Variants in CSMD3 observed in about 807,000 individuals in gnomAD.
CSMD3 encodes the protein CUB and sushi domain-containing protein 3.
A neutral mutation model predicts 435.2 loss-of-function variants in CSMD3; 177 were observed. That is an observed-to-expected ratio of 0.41 (90% CI 0.36 to 0.46). CSMD3 has a LOEUF of 0.46. Among genes scored for constraint, CSMD3 ranks in the 20% least tolerant of loss-of-function variants. The pLI, the probability that CSMD3 is intolerant of heterozygous loss-of-function variation, is 0.34. For synonymous variants in CSMD3, 1,656 were observed against 1,520.5 expected (o/e 1.09, Z -2.07); for missense variants, 4,265 against 4,504.6 (o/e 0.95, Z 1.52).
intron 9 of CSMD3, among the ~76,000 whole-genome samples, chr8:112,926,640 T>C (rs1000432421): frequency 6.6e-6 from 1 of 152,134 alleles, no homozygotes; most frequent in Non-Finnish European, 1.5e-5. Flanking sequence ...AGAGAAGATA[T>C]GAGGTTTTTC....
intron 1 of CSMD3, among the ~76,000 whole-genome samples, chr8:113,381,807 T>A (rs2094416988): frequency 6.6e-6 from 1 of 152,098 alleles, no homozygotes; most frequent in African/African-American, 2.4e-5. Flanking sequence ...AGAAAATAAC[T>A]CATAATCCCA....
At chr8:112,336,609 G>C (rs1824585051) in intron 44 of CSMD3, 43 bp downstream of exon 44, 1 of 1,397,604 alleles carries the variant, frequency 7.2e-7, no homozygotes, top group Non-Finnish European at 1.0e-6. Context: ...TTGTTTTACT[G>C]TGTATATAAT....
chr8:112,311,097 T>G lies in CSMD3; in HGVS notation c.7766A>C (p.Asn2589Thr), dbSNP rs770393946. ...ATCACAGGCCCAACGGACCACACTG[T>G]TAAGCTGCCCACCTGTCTGACTGAT... is the stretch of plus-strand genomic sequence containing the variant. ...YIISQTGGQL[N>T]SVVRWACDRG... The change falls in exon 50 of 71, where the codon AAC becomes ACC. Residue 2589 changes from asparagine (N) to threonine (T), a missense_variant. Asn to Thr is a moderately conservative substitution (Grantham distance 65). This residue lies in a region of CSMD3 where 3,255 missense variants were observed against 3,380.2 expected (regional missense o/e 0.96). Coordinates refer to ENST00000297405, the MANE Select transcript of CSMD3 (RefSeq NM_198123.2). 6.2e-7 allele frequency: 1 copy of G among 1,614,088 alleles called. No homozygotes were observed. Among genetic ancestry groups the G allele is most frequent in the Non-Finnish European group, 8.5e-7 (1 of 1,179,976 alleles).
intron 17 of CSMD3, among the ~76,000 whole-genome samples, chr8:112,659,943 T>C (rs2075341365): frequency 6.6e-6 from 1 of 152,104 alleles, no homozygotes; most frequent in African/African-American, 2.4e-5. Flanking sequence ...TTTGAGAATA[T>C]AGAAAAAAAC....
At chr8:113,015,676 T>C (rs1257067509) in intron 6 of CSMD3, among the ~76,000 whole-genome samples, 1 of 151,882 alleles carries the variant, frequency 6.6e-6, no homozygotes, top group Non-Finnish European at 1.5e-5. Context: ...TTCATACTTG[T>C]ATTATTGAGC....
intron 10 of CSMD3, among the ~76,000 whole-genome samples, chr8:112,877,177 T>A (rs1487260609): frequency 6.6e-6 from 1 of 152,074 alleles, no homozygotes; most frequent in African/African-American, 2.4e-5. Context: ...AAAATGGCAA[T>A]ACTGCCCAAA....
chr8:112,265,470 G>A lies in CSMD3; in HGVS notation c.9629C>T (p.Ser3210Phe), dbSNP rs2130411625. Reference sequence around the variant, plus strand: ...ATTAATTGTACAAGTCCTGATTCTGGAGCCATTCAATTCCATCGTGTAGCC... The same window carrying A: ...ATTAATTGTACAAGTCCTGATTCTGAAGCCATTCAATTCCATCGTGTAGCC... Reference protein sequence around the residue: ...QPGYTMELNGSRIRTCTINGT... With the variant: ...QPGYTMELNGFRIRTCTINGT... Residue 3210 changes from serine (S) to phenylalanine (F), a missense_variant, in exon 60 of 71, where the codon TCC (serine) becomes TTC (phenylalanine). Ser to Phe is a radical substitution (Grantham distance 155). Transcript: ENST00000297405. 1 of 1,613,686 alleles carries A rather than the reference G, an allele frequency of 6.2e-7. No homozygotes were observed. The highest frequency in any genetic ancestry group is 8.5e-7 in the Non-Finnish European group (1 of 1,179,722).
intron 65 of CSMD3, among the ~76,000 whole-genome samples, chr8:112,242,088 A>G (rs915336336): frequency 6.6e-6 from 1 of 152,172 alleles, no homozygotes; most frequent in African/African-American, 2.4e-5. Flanking sequence ...GGCATAAGCC[A>G]AAGTGGAGAC....
intron 6 of CSMD3, among the ~76,000 whole-genome samples, chr8:113,000,139 C>T (rs1441521762): frequency 2.0e-5 from 3 of 151,864 alleles, no homozygotes; most frequent in East Asian, 1.9e-4. Flanking sequence ...GGAAGAATCA[C>T]GGTTAAAGAA....
intron 10 of CSMD3, among the ~76,000 whole-genome samples, chr8:112,877,736 CAGAACAG>C (rs2081328443): frequency 6.6e-6 from 1 of 152,126 alleles, no homozygotes; most frequent in South Asian, 2.1e-4. Context: ...ACCAATGGAA[CAGAACAG>C]AGTCCTCAGA....
At chr8:113,430,654 G>A (rs2094666700) in intron 1 of CSMD3, among the ~76,000 whole-genome samples, 1 of 152,204 alleles carries the variant, frequency 6.6e-6, no homozygotes, top group South Asian at 2.1e-4. Flanking sequence ...AGAGGATGCT[G>A]GTACTACTTG....
intron 10 of CSMD3, among the ~76,000 whole-genome samples, chr8:112,909,174 T>C (rs1468620825): frequency 1.3e-5 from 2 of 151,616 alleles, no homozygotes; most frequent in African/African-American, 4.8e-5. Context: ...TATTTATCAT[T>C]CAAACACTGA....
At chr8:113,364,563 A>G (rs893526636) in intron 1 of CSMD3, among the ~76,000 whole-genome samples, 6 of 152,140 alleles carry the variant, frequency 3.9e-5, no homozygotes, top group African/African-American at 1.4e-4. Context: ...GATTAAAAAG[A>G]AAATAAAATA....
intron 22 of CSMD3, among the ~76,000 whole-genome samples, chr8:112,603,036 G>T (rs1267317254): frequency 1.3e-5 from 2 of 152,118 alleles, no homozygotes; most frequent in Non-Finnish European, 2.9e-5. Context: ...TGCCACCATG[G>T]CAGGCTAATT....
Position 112,480,246 on chromosome 8 carries a change from T to A in CSMD3, c.5279-7539A>T, listed in dbSNP as rs867280157. ...AATGTTTACCCAATGCCTGCACTAC[T>A]ATTGTATCTTGGGAGTAAATAACTT... On this transcript the variant is annotated intron_variant, in intron 31 of 70. Coordinates refer to ENST00000297405, the MANE Select transcript of CSMD3 (RefSeq NM_198123.2). Among the ~76,000 whole-genome samples the A allele has an allele frequency of 3.5e-4, 53 of 152,362 alleles. 1 individual carries two copies. The Middle Eastern group carries it at 0.017, about 49-fold the overall frequency.
intron 30 of CSMD3, among the ~76,000 whole-genome samples, chr8:112,494,559 CTTTCTTTCT>C (rs1821131057): frequency 3.2e-5 from 3 of 92,520 alleles, no homozygotes; most frequent in African/African-American, 7.7e-5. Flanking sequence ...TTCTTTCTTT[CTTTCTTTCT>C]TTCTTTTCTT....
At chr8:112,324,058 T>C (rs181599799) in intron 45 of CSMD3, among the ~76,000 whole-genome samples, 4 of 152,192 alleles carry the variant, frequency 2.6e-5, no homozygotes, top group Admixed American at 2.6e-4. Context: ...GTTGCTGCCA[T>C]TTCCCTATTT....
At chr8:113,382,559 C>G (rs934501118) in intron 1 of CSMD3, among the ~76,000 whole-genome samples, 4 of 152,086 alleles carry the variant, frequency 2.6e-5, no homozygotes, top group Non-Finnish European at 5.9e-5. Flanking sequence ...AACATTAATA[C>G]CATCTACCAA....
chr8:112,715,092 T>C (rs933586425), intron 13 of CSMD3, among the ~76,000 whole-genome samples: 1 of 151,704 alleles, frequency 6.6e-6, no homozygotes, highest in Non-Finnish European at 1.5e-5. Flanking sequence ...TTGAAGGAGA[T>C]AGAGGCACAA....
Sources: allele counts gnomAD v4.1 joint callset (sites outside exome capture counted in the v4.1 genomes callset), GRCh38; gene constraint gnomAD v4.1.1; regional missense constraint gnomAD v4.1.1; transcripts MANE v1.5; gene names NCBI Gene and HGNC (gene_info 2026-07-23, HGNC 2026-07-21).